Variants in SPATA21 observed in about 807,000 individuals in gnomAD.
The protein encoded by SPATA21 is spermatogenesis-associated protein 21.
A neutral mutation model predicts 54.8 loss-of-function variants in SPATA21; 47 were observed. The observed-to-expected ratio is 0.86, with a 90% confidence interval of 0.68 to 1.09. The LOEUF is 1.09. Ranked by LOEUF, SPATA21 falls within the 50% of genes least tolerant of loss-of-function variation. The pLI, the probability that SPATA21 is intolerant of heterozygous loss-of-function variation, is 0.00. For synonymous variants in SPATA21, 245 were observed against 235.3 expected (o/e 1.04, Z -0.38); for missense variants, 599 against 596.4 (o/e 1.00, Z -0.05).
intron 5 of SPATA21, among the ~76,000 whole-genome samples, chr1:16,412,700 T>G (rs2085886211): frequency 6.6e-6 from 1 of 152,276 alleles, no homozygotes; most frequent in Admixed American, 6.5e-5. Flanking sequence ...TGACCTCAGG[T>G]GATCTGCCTG....
intron 7 of SPATA21, among the ~76,000 whole-genome samples, chr1:16,408,006 A>C (rs991853082): frequency 4.9e-5 from 7 of 144,320 alleles, no homozygotes; most frequent in Non-Finnish European, 9.3e-5. Flanking sequence ...GCCTCAAGCG[A>C]TCCTCCTGCC....
At chr1:16,399,788 G>C (rs774707365) in intron 11 of SPATA21, among the ~76,000 whole-genome samples, 1 of 152,206 alleles carries the variant, frequency 6.6e-6, no homozygotes, top group Non-Finnish European at 1.5e-5. Flanking sequence ...TTAACAAGGA[G>C]CAGAGGACTT....
At chr1:16,424,553 G>A (rs1319761290) in intron 3 of SPATA21, among the ~76,000 whole-genome samples, 1 of 151,564 alleles carries the variant, frequency 6.6e-6, no homozygotes, top group Non-Finnish European at 1.5e-5. Flanking sequence ...GAGTAGCTGG[G>A]GCCACAGACA....
intron 5 of SPATA21, among the ~76,000 whole-genome samples, chr1:16,413,431 G>C (rs1450199551): frequency 6.6e-6 from 1 of 152,162 alleles, no homozygotes; most frequent in Non-Finnish European, 1.5e-5. Context: ...ATGGACACTT[G>C]AGTTGCTTTC....
intron 10 of SPATA21, among the ~76,000 whole-genome samples, chr1:16,402,660 A>G (rs1361868839): frequency 6.6e-6 from 1 of 151,958 alleles, no homozygotes. Flanking sequence ...GGGCTCAAGC[A>G]GCCCTTCCCC....
chr1:16,426,514 T>TTGGCC (rs2100882622), intron 3 of SPATA21, among the ~76,000 whole-genome samples: 3 of 148,624 alleles, frequency 2.0e-5, no homozygotes, highest in Admixed American at 6.8e-5. Context: ...CAACCTCAAC[T>TTGGCC]TCCCAAAGTG....
intron 5 of SPATA21, among the ~76,000 whole-genome samples, chr1:16,415,629 G>A (rs570066273): frequency 7.9e-5 from 12 of 151,652 alleles, no homozygotes; most frequent in East Asian, 1.9e-4. Context: ...GTGTGATCTC[G>A]GCTCACTGCA....
intron 5 of SPATA21, among the ~76,000 whole-genome samples, chr1:16,413,695 C>T (rs1280428314): frequency 6.6e-6 from 1 of 152,124 alleles, no homozygotes; most frequent in African/African-American, 2.4e-5. Context: ...CTCACCGAAC[C>T]TCCACCTCCC....
chr1:16,404,111 T>TTAA (rs2085552175), intron 8 of SPATA21, 72 bp from the exon 9 acceptor site: 2 of 1,290,660 alleles, frequency 1.5e-6, no homozygotes, highest in Admixed American at 2.0e-5. Context: ...CCAGGCGTGG[T>TTAA]TATTAGAAGT....
At chr1:16,434,051 C>T (rs746219858) in intron 1 of SPATA21, among the ~76,000 whole-genome samples, 1 of 151,928 alleles carries the variant, frequency 6.6e-6, no homozygotes, top group Non-Finnish European at 1.5e-5. Context: ...AATCTACTTT[C>T]TGTCTTAGTG....
intron 3 of SPATA21, among the ~76,000 whole-genome samples, chr1:16,423,950 G>A (rs1478482525): frequency 6.6e-6 from 1 of 151,882 alleles, no homozygotes; most frequent in African/African-American, 2.4e-5. Context: ...CAAATCTATA[G>A]TGATAGTTGG....
intron 2 of SPATA21, 32 bp from the exon 3 acceptor site, chr1:16,431,454 AAGCCCATCACCTAACTGCTGCTTCAGG>A: frequency 6.3e-7 from 1 of 1,584,308 alleles, no homozygotes; most frequent in Non-Finnish European, 8.6e-7. Context: ...GCGTCCCACC[AAGCCCATCACCTAACTGCTGCTTCAGG>A]AGCCCACTTG....
intron 8 of SPATA21, among the ~76,000 whole-genome samples, chr1:16,404,242 C>T (rs1426318815): frequency 1.3e-5 from 2 of 151,860 alleles, no homozygotes; most frequent in African/African-American, 2.4e-5. Context: ...GGCCGAGGTG[C>T]GTGGATCACC....
intron 8 of SPATA21, 70 bp from the exon 9 acceptor site, chr1:16,404,109 G>A: frequency 7.4e-7 from 1 of 1,349,512 alleles, no homozygotes; most frequent in Non-Finnish European, 1.0e-6. Context: ...GCCCAGGCGT[G>A]GTTATTAGAA....
chr1:16,404,486 AC>A (rs1228913600), intron 8 of SPATA21, among the ~76,000 whole-genome samples: 4 of 152,074 alleles, frequency 2.6e-5, no homozygotes, highest in Admixed American at 6.5e-5. Context: ...AAACAAAAAA[AC>A]AAAACCAAAA....
At chr1:16,400,591 G>T in intron 11 of SPATA21, 129 bp downstream of exon 11, 1 of 1,493,958 alleles carries the variant, frequency 6.7e-7, no homozygotes, top group Non-Finnish European at 8.9e-7. Context: ...ACACAGTTAA[G>T]CCCGAAGTGG....
In SPATA21 at chr1:16,427,915, T is replaced by C. The variant is rs188796223; in HGVS notation, c.34+3423A>G. ...CTGGATTCTGAGCTCTGAAGGCCCC[T>C]TCTCAAATGCATCTCTGAGTCTGGG... On this transcript the variant is annotated intron_variant, in intron 3 of 12. Transcript: ENST00000335496. 1,094 of 1,550,228 alleles carry C rather than the reference T, an allele frequency of 7.1e-4. 10 individuals carry two copies. The highest frequency in any genetic ancestry group is 4.8e-3 in the African/African-American group (349 of 73,162).
At chr1:16,405,164 A>G (rs929841471) in intron 7 of SPATA21, 60 bp from the exon 8 acceptor site, 2 of 1,560,928 alleles carry the variant, frequency 1.3e-6, no homozygotes, top group Non-Finnish European at 8.6e-7. Context: ...CATTCATCCC[A>G]TTACCCCAAC....
rs1178229542 is a variant in SPATA21 at position 16,399,499 on chromosome 1, A to T, written c.1197T>A (p.Tyr399Ter). Reference protein sequence around the residue: ...QNYAPNLQSPYAQVPCILLCP... With the variant: ...QNYAPNLQSP ...AGAGCAGGATGCAGGGCACCTGGGC[A>T]TAGGGGCTCTGCAGGTTGGGAGCTG... The change falls in exon 12 of 13, where the codon TAT becomes TAA. Residue 399 changes from tyrosine (Y) to a stop codon, truncating the protein, a stop_gained. Transcript: ENST00000335496. LOFTEE classifies it high-confidence loss of function. The T allele has an allele frequency of 6.2e-7, 1 of 1,613,944 alleles. No individual in the cohort carries two copies. The highest frequency in any genetic ancestry group is 8.5e-7 in the Non-Finnish European group (1 of 1,179,960).
Sources: gnomAD v4.1 joint callset for allele counts (sites outside exome capture counted in the v4.1 genomes callset) on GRCh38, gnomAD v4.1.1 for gene constraint, MANE v1.5 for transcripts, NCBI Gene and HGNC (gene_info 2026-07-23, HGNC 2026-07-21) for gene names.